KLRB1: variants seen among roughly 807,000 people sequenced by gnomAD.
KLRB1 encodes the protein killer cell lectin-like receptor subfamily B member 1.
In KLRB1, 27 loss-of-function variants were observed where a neutral mutation model predicts 33.5. That is an observed-to-expected ratio of 0.81 (90% CI 0.59 to 1.11). The LOEUF is 1.11. Among genes scored for constraint, KLRB1 ranks in the 50% most tolerant of loss-of-function variants. KLRB1 has a pLI of 0.00. For missense variants in KLRB1, 241 were observed against 254.1 expected (o/e 0.95, Z 0.35); for synonymous variants, 64 against 88.9 (o/e 0.72, Z 1.58).
intron 1 of KLRB1, among the ~76,000 whole-genome samples, chr12:9,604,694 C>T (rs189149686): frequency 3.9e-5 from 6 of 152,222 alleles, no homozygotes; most frequent in East Asian, 3.9e-4. Flanking sequence ...GGGAGGCCTT[C>T]CTTGATTATT....
intron 1 of KLRB1, among the ~76,000 whole-genome samples, chr12:9,607,347 T>TTCCTTC (rs1565444586): frequency 1.1e-4 from 8 of 71,288 alleles, no homozygotes; most frequent in East Asian, 9.1e-4. Flanking sequence ...TTTCTTTCTT[T>TTCCTTC]CTTTCTTCCT....
chr12:9,596,355 A>G (rs193135254), intron 5 of KLRB1, among the ~76,000 whole-genome samples: 2 of 152,246 alleles, frequency 1.3e-5, no homozygotes, highest in East Asian at 3.9e-4. Flanking sequence ...TGTTTCTTCA[A>G]TTATCAGGGT....
At chr12:9,607,332 T>TCTTTCTTCCTTCCTTTCTTTCTTCCTTCC (rs1264714647) in intron 1 of KLRB1, among the ~76,000 whole-genome samples, 1 of 58,618 alleles carries the variant, frequency 1.7e-5, no homozygotes, top group Admixed American at 2.1e-4. Context: ...TTTCTCTTTC[T>TCTTTCTTCCTTCCTTTCTTTCTTCCTTCC]TTCCTTTCTT....
chr12:9,602,518 T>C (rs1864556992), intron 1 of KLRB1, among the ~76,000 whole-genome samples: 1 of 152,158 alleles, frequency 6.6e-6, no homozygotes. Context: ...AGTATATTGC[T>C]CAGTTACACT....
At chr12:9,597,865 A>T (rs1591655828) in intron 5 of KLRB1, among the ~76,000 whole-genome samples, 181 bp downstream of exon 5, 1 of 152,196 alleles carries the variant, frequency 6.6e-6, no homozygotes, top group Non-Finnish European at 1.5e-5. Context: ...TAAAGAGCTG[A>T]TATCTTTTCA....
chr12:9,602,911 G>A (rs777358526), intron 1 of KLRB1, among the ~76,000 whole-genome samples: 2 of 152,252 alleles, frequency 1.3e-5, no homozygotes, highest in East Asian at 3.9e-4. Flanking sequence ...GTGCAGTCCA[G>A]TTTGCAGACC....
chr12:9,607,343 T>TCTTC (rs1402075077), intron 1 of KLRB1, among the ~76,000 whole-genome samples: 45 of 68,110 alleles, frequency 6.6e-4, no homozygotes, highest in South Asian at 1.9e-3. Context: ...TTCCTTTCTT[T>TCTTC]CTTTCTTTCT....
intron 5 of KLRB1, 72 bp downstream of exon 5, chr12:9,597,974 C>A (rs1160830147): frequency 2.2e-5 from 16 of 712,542 alleles, no homozygotes; most frequent in Non-Finnish European, 3.8e-5. Context: ...AAAACTCAAT[C>A]TTCAGTGTTA....
At chr12:9,607,198 A>ACATGTAAAATATTTTTCCTTC (rs1864615054) in intron 1 of KLRB1, among the ~76,000 whole-genome samples, 1 of 151,880 alleles carries the variant, frequency 6.6e-6, no homozygotes, top group Admixed American at 6.6e-5. Flanking sequence ...CTTAGTTCAT[A>ACATGTAAAATATTTTTCCTTC]CATGTAAAAT....
chr12:9,606,756 ATATATTTTT>A (rs1283304438), intron 1 of KLRB1, among the ~76,000 whole-genome samples: 30 of 31,514 alleles, frequency 9.5e-4, no homozygotes, highest in African/African-American at 3.3e-3. Flanking sequence ...ATATATATAT[ATATATTTTT>A]TTTTTTTTTT....
intron 3 of KLRB1, among the ~76,000 whole-genome samples, chr12:9,599,148 G>GA (rs1179913986): frequency 6.6e-6 from 1 of 152,132 alleles, no homozygotes; most frequent in Admixed American, 6.5e-5. Context: ...ATACCATGGA[G>GA]AAAAAATTAT....
intron 1 of KLRB1, among the ~76,000 whole-genome samples, chr12:9,603,603 T>TACA (rs1565443371): frequency 1.3e-5 from 2 of 150,474 alleles, no homozygotes; most frequent in African/African-American, 4.9e-5. Context: ...TTTGTATTTT[T>TACA]TTTTTTTTTT....
At position 9,595,490 on chromosome 12, in the gene KLRB1, A is replaced by G. The variant is rs373159729; in HGVS notation, c.531-69T>C. On this transcript the variant is annotated intron_variant, in intron 5 of 5. Coordinates refer to ENST00000229402, the MANE Select transcript of KLRB1 (RefSeq NM_002258.3). ...TCAGAGCTATTCTCACTTAGCCATT[A>G]TTTCCTAGGACTCTCAGGAAGCAGT... The G allele has an allele frequency of 2.1e-6, 3 of 1,424,554 alleles. No individual in the cohort carries two copies. The African/African-American group carries it at 4.2e-5, about 20-fold the overall frequency. 88.2% of individuals were successfully genotyped at this position (1,424,554 alleles called of 1,614,324 possible). A position where few individuals can be genotyped will look rare whatever the true frequency, so the allele number is the denominator to read the frequency against.
chr12:9,607,339 T>TTCCTGCCTTC (rs1330109407), intron 1 of KLRB1, among the ~76,000 whole-genome samples: 18 of 61,230 alleles, frequency 2.9e-4, no homozygotes, highest in Non-Finnish European at 4.4e-4. Context: ...TTCTTTCCTT[T>TTCCTGCCTTC]CTTTCTTTCT....
chr12:9,603,541 C>G (rs1451216612), intron 1 of KLRB1, among the ~76,000 whole-genome samples: 1 of 152,074 alleles, frequency 6.6e-6, no homozygotes, highest in Non-Finnish European at 1.5e-5. Flanking sequence ...TCTCTTGCCT[C>G]AACCTCCCGA....
chr12:9,596,791 A>T (rs770627243), intron 5 of KLRB1, among the ~76,000 whole-genome samples: 17 of 152,316 alleles, frequency 1.1e-4, no homozygotes, highest in African/African-American at 4.1e-4. Context: ...ACACACACAA[A>T]CTATACTTAA....
chr12:9,604,530 A>G (rs899741655), intron 1 of KLRB1, among the ~76,000 whole-genome samples: 2 of 151,752 alleles, frequency 1.3e-5, no homozygotes, highest in East Asian at 3.9e-4. Context: ...CCATACGCTC[A>G]CTCTCCACGC....
At chr12:9,597,099 A>T (rs775790205) in intron 5 of KLRB1, among the ~76,000 whole-genome samples, 3 of 152,288 alleles carry the variant, frequency 2.0e-5, no homozygotes, top group African/African-American at 7.2e-5. Flanking sequence ...TTCAGTGTTT[A>T]ATACTTTCCA....
intron 5 of KLRB1, among the ~76,000 whole-genome samples, chr12:9,596,613 T>G (rs941948428): frequency 1.3e-5 from 2 of 152,228 alleles, no homozygotes; most frequent in Admixed American, 6.5e-5. Flanking sequence ...CTGATCACTA[T>G]TATCTTAAAG....
Sources: gnomAD v4.1 joint callset for allele counts (sites outside exome capture counted in the v4.1 genomes callset) on GRCh38, gnomAD v4.1.1 for gene constraint, MANE v1.5 for transcripts, NCBI Gene and HGNC (gene_info 2026-07-23, HGNC 2026-07-21) for gene names.